SKAP1: variants seen among roughly 807,000 people sequenced by gnomAD.
SKAP1 encodes the protein src kinase associated phosphoprotein 1, also known as src kinase-associated phosphoprotein 1.
SKAP1 carries 44 observed loss-of-function variants against 58.5 expected under a neutral mutation model. That is an observed-to-expected ratio of 0.75 (90% CI 0.59 to 0.97). The LOEUF (loss-of-function observed/expected upper bound fraction) is 0.97. Among genes scored for constraint, SKAP1 ranks in the 50% least tolerant of loss-of-function variants. The pLI is 0.00. For missense variants in SKAP1, 390 were observed against 435.2 expected (o/e 0.90, Z 0.92); for synonymous variants, 127 against 149.7 (o/e 0.85, Z 1.11).
chr17:48,361,839 C>T (rs1016161133), intron 3 of SKAP1, among the ~76,000 whole-genome samples: 1 of 152,154 alleles, frequency 6.6e-6, no homozygotes, highest in Non-Finnish European at 1.5e-5. Context: ...CTAATCTTTT[C>T]ATAATCTTAA....
At chr17:48,193,806 T>C (rs1844310590) in intron 4 of SKAP1, 1 of 838,642 alleles carries the variant, frequency 1.2e-6, no homozygotes, top group African/African-American at 1.9e-5. Flanking sequence ...AGAGAACTAC[T>C]TAATGCATAA....
chr17:48,387,147 C>T (rs896686964), intron 2 of SKAP1, among the ~76,000 whole-genome samples: 1 of 152,168 alleles, frequency 6.6e-6, no homozygotes, highest in African/African-American at 2.4e-5. Flanking sequence ...CTACAAGATT[C>T]GCAAAATAAA....
intron 4 of SKAP1, among the ~76,000 whole-genome samples, chr17:48,190,572 A>AT (rs201287744): frequency 0.028 from 4,253 of 152,132 alleles, 189 homozygotes; most frequent in African/African-American, 0.095. Flanking sequence ...TACACACTCA[A>AT]TTTTTTTTCT....
At chr17:48,330,893 C>A (rs1193898561) in intron 4 of SKAP1, among the ~76,000 whole-genome samples, 2 of 152,054 alleles carry the variant, frequency 1.3e-5, no homozygotes, top group Admixed American at 6.6e-5. Flanking sequence ...CCAGGATTAT[C>A]CCATGGCAAG....
intron 4 of SKAP1, among the ~76,000 whole-genome samples, chr17:48,276,093 C>T (rs2065696164): frequency 6.6e-6 from 1 of 152,154 alleles, no homozygotes; most frequent in Admixed American, 6.5e-5. Context: ...GCCTAACTAT[C>T]AACCGTAGGT....
At chr17:48,399,754 T>G (rs1377942559) in intron 1 of SKAP1, among the ~76,000 whole-genome samples, 1 of 139,786 alleles carries the variant, frequency 7.2e-6, no homozygotes, top group African/African-American at 2.7e-5. Flanking sequence ...AGAGCAAGAC[T>G]CTTGTCTCAA....
chr17:48,209,485 T>A (rs2064846754), intron 4 of SKAP1, among the ~76,000 whole-genome samples: 1 of 152,216 alleles, frequency 6.6e-6, no homozygotes, highest in South Asian at 2.1e-4. Flanking sequence ...GCTGGCCAGA[T>A]ACATGAAAAT....
At chr17:48,404,133 T>G (rs1047624860) in intron 1 of SKAP1, among the ~76,000 whole-genome samples, 17 of 150,986 alleles carry the variant, frequency 1.1e-4, no homozygotes, top group African/African-American at 4.1e-4. Flanking sequence ...CTACATGGTT[T>G]AAAATTTATA....
intron 4 of SKAP1, among the ~76,000 whole-genome samples, chr17:48,277,070 G>A (rs2065709932): frequency 6.6e-6 from 1 of 152,146 alleles, no homozygotes; most frequent in Non-Finnish European, 1.5e-5. Flanking sequence ...AGCATCATAG[G>A]CCTAAAAGGA....
chr17:48,162,292 T>C (rs1567800168), intron 11 of SKAP1, among the ~76,000 whole-genome samples, 177 bp downstream of exon 11: 1 of 152,176 alleles, frequency 6.6e-6, no homozygotes, highest in Non-Finnish European at 1.5e-5. Context: ...AATGTGAAAA[T>C]GGTTCCTGAA....
intron 11 of SKAP1, among the ~76,000 whole-genome samples, chr17:48,142,836 CG>C (rs2063784809): frequency 6.6e-6 from 1 of 152,084 alleles, no homozygotes; most frequent in Non-Finnish European, 1.5e-5. Flanking sequence ...GACAGGGTTT[CG>C]CTCTGTTGCC....
intron 4 of SKAP1, among the ~76,000 whole-genome samples, chr17:48,265,181 A>T (rs549253362): frequency 6.6e-6 from 1 of 152,302 alleles, no homozygotes; most frequent in South Asian, 2.1e-4. Context: ...CTGAAGCTCC[A>T]AAGGCTCTAA....
intron 4 of SKAP1, among the ~76,000 whole-genome samples, chr17:48,212,909 G>C (rs917140714): frequency 1.3e-5 from 2 of 152,150 alleles, no homozygotes; most frequent in Non-Finnish European, 2.9e-5. Context: ...ATCCCAAGTG[G>C]GTTGATTGGC....
intron 4 of SKAP1, among the ~76,000 whole-genome samples, chr17:48,304,827 T>C (rs1248243298): frequency 6.6e-6 from 1 of 152,210 alleles, no homozygotes; most frequent in Non-Finnish European, 1.5e-5. Flanking sequence ...ATTAAAAAAT[T>C]TCTTTAACAA....
intron 6 of SKAP1, chr17:48,185,794 A>C (rs2064442996): frequency 6.6e-6 from 1 of 152,500 alleles, no homozygotes; most frequent in Admixed American, 6.5e-5. Flanking sequence ...TCTTACTAAG[A>C]AAATGTCATG....
At chr17:48,299,295 C>G (rs2066027170) in intron 4 of SKAP1, among the ~76,000 whole-genome samples, 3 of 152,154 alleles carry the variant, frequency 2.0e-5, no homozygotes, top group African/African-American at 7.2e-5. Flanking sequence ...TTCGTTTTGT[C>G]TTTGTGGTGT....
intron 1 of SKAP1, among the ~76,000 whole-genome samples, chr17:48,397,645 C>A (rs1355304097): frequency 6.6e-6 from 1 of 151,928 alleles, no homozygotes; most frequent in Non-Finnish European, 1.5e-5. Context: ...AGCTGAACTG[C>A]AAAAATCAAG....
chr17:48,244,614 A>C (rs896560973), intron 4 of SKAP1, among the ~76,000 whole-genome samples: 15 of 104,922 alleles, frequency 1.4e-4, no homozygotes, highest in Admixed American at 3.5e-4. Flanking sequence ...AACATTAACA[A>C]ATAGTTGGGG....
intron 11 of SKAP1, among the ~76,000 whole-genome samples, chr17:48,144,034 C>T (rs1301939057): frequency 6.6e-6 from 1 of 152,106 alleles, no homozygotes; most frequent in East Asian, 1.9e-4. Flanking sequence ...ACTGACCCTG[C>T]CGACTGCAGA....
Sources: allele counts gnomAD v4.1 joint callset (sites outside exome capture counted in the v4.1 genomes callset), GRCh38; gene constraint gnomAD v4.1.1; transcripts MANE v1.5; gene names NCBI Gene and HGNC (gene_info 2026-07-23, HGNC 2026-07-21).